DPP10: variants seen among roughly 807,000 people sequenced by gnomAD.
DPP10 encodes dipeptidyl peptidase like 10.
In DPP10, 33 loss-of-function variants were observed where a neutral mutation model predicts 120.9. The ratio of observed to expected loss-of-function variants is 0.27; its 90% CI spans 0.21 to 0.37. DPP10 has a LOEUF of 0.37. Ranked by LOEUF, DPP10 falls within the 10% of genes least tolerant of loss-of-function variation. The pLI, the probability that DPP10 is intolerant of heterozygous loss-of-function variation, is 1.00. For synonymous variants in DPP10, 337 were observed against 326.1 expected, an observed-to-expected ratio of 1.03 and a Z score of -0.36; for missense variants, 816 against 942.8, an observed-to-expected ratio of 0.87 and a Z score of 1.76.
intron 3 of DPP10, among the ~76,000 whole-genome samples, chr2:115,407,047 G>T (rs2068562652): frequency 6.6e-6 from 1 of 152,198 alleles, no homozygotes; most frequent in South Asian, 2.1e-4. Flanking sequence ...AGCAAAGCGA[G>T]AGGGGTTCCT....
intron 5 of DPP10, among the ~76,000 whole-genome samples, chr2:115,642,737 A>C (rs562026052): frequency 1.6e-4 from 25 of 152,160 alleles, no homozygotes; most frequent in South Asian, 6.2e-4. Context: ...ATGCATATGC[A>C]TTATATATAT....
chr2:115,633,250 T>C lies in DPP10; in HGVS notation c.442-56437T>C, dbSNP rs542493786. Among the ~76,000 whole-genome samples, 11 of 152,246 alleles carry C rather than the reference T, an allele frequency of 7.2e-5. No homozygotes were observed. In the South Asian group the frequency reaches 1.2e-3, roughly 17 times the overall value. The stretch of plus-strand genomic sequence containing the variant: ...TATACACCATGGAATACTATGCAGC[T>C]ATAAAAAAGGATGAGTTCATGTCCT... On this transcript the variant is annotated intron_variant, in intron 5 of 25. Coordinates refer to ENST00000410059, the MANE Select transcript of DPP10 (RefSeq NM_020868.6).
chr2:115,259,703 A>G (rs1273041258), intron 1 of DPP10, among the ~76,000 whole-genome samples: 1 of 152,132 alleles, frequency 6.6e-6, no homozygotes, highest in Non-Finnish European at 1.5e-5. Flanking sequence ...GTACCTAGAC[A>G]TATTGCTGCC....
chr2:115,698,521 T>C (rs1167979084), intron 7 of DPP10, among the ~76,000 whole-genome samples: 1 of 152,198 alleles, frequency 6.6e-6, no homozygotes, highest in Non-Finnish European at 1.5e-5. Flanking sequence ...TGTGTGACGC[T>C]TTAATCCAAC....
chr2:115,132,403 A>G (rs1197130066), intron 1 of DPP10, among the ~76,000 whole-genome samples: 1 of 152,202 alleles, frequency 6.6e-6, no homozygotes, highest in Non-Finnish European at 1.5e-5. Flanking sequence ...TTCTCTACTG[A>G]TGCAAATTTC....
intron 1 of DPP10, among the ~76,000 whole-genome samples, chr2:114,696,657 G>T (rs1700083963): frequency 1.3e-5 from 2 of 151,872 alleles, no homozygotes; most frequent in South Asian, 4.2e-4. Context: ...TTTGTTTGGT[G>T]CCTGGTTGGC....
intron 3 of DPP10, among the ~76,000 whole-genome samples, chr2:115,426,799 C>G (rs1426684701): frequency 6.6e-6 from 1 of 152,204 alleles, no homozygotes; most frequent in East Asian, 1.9e-4. Context: ...TTGTTAAATA[C>G]AATCATGCCT....
intron 1 of DPP10, among the ~76,000 whole-genome samples, chr2:114,731,825 T>C (rs982452517): frequency 4.6e-5 from 7 of 152,118 alleles, no homozygotes; most frequent in African/African-American, 1.7e-4. Context: ...GATTTCTAAT[T>C]GGTGGACTTA....
At chr2:114,640,577 A>T (rs1431719937) in intron 1 of DPP10, among the ~76,000 whole-genome samples, 1 of 151,754 alleles carries the variant, frequency 6.6e-6, no homozygotes, top group Non-Finnish European at 1.5e-5. Flanking sequence ...TCTAGCGGCC[A>T]TCAGATTGTA....
At position 114,539,234 on chromosome 2, in the gene DPP10, AT is replaced by A. The variant is rs201762746; in HGVS notation, c.60+96398del. On this transcript the variant is annotated intron_variant, in intron 1 of 25. Coordinates refer to ENST00000410059, the MANE Select transcript of DPP10 (RefSeq NM_020868.6). The stretch of plus-strand genomic sequence containing the variant: ...ATACACATAACTATTGATACAATAT[AT>A]TAAAAATATATTATAAACACATAAT... 2.4e-3 allele frequency among the ~76,000 whole-genome samples: 356 copies of A among 148,770 alleles called. 1 individual carries two copies. Among genetic ancestry groups the A allele is most frequent in the African/African-American group, 7.8e-3 (318 of 40,936 alleles).
chr2:115,058,899 C>T (rs1706167862), intron 1 of DPP10, among the ~76,000 whole-genome samples: 1 of 152,196 alleles, frequency 6.6e-6, no homozygotes, highest in Admixed American at 6.5e-5. Flanking sequence ...CATGATACAA[C>T]TCCCTATTCT....
intron 12 of DPP10, among the ~76,000 whole-genome samples, chr2:115,767,505 A>G (rs899418893): frequency 1.4e-5 from 2 of 145,406 alleles, no homozygotes; most frequent in African/African-American, 4.9e-5. Flanking sequence ...ATATATACAC[A>G]TAGTGTGTGT....
chr2:115,707,260 G>A (rs1304074194), intron 7 of DPP10, among the ~76,000 whole-genome samples: 2 of 151,632 alleles, frequency 1.3e-5, no homozygotes, highest in South Asian at 2.1e-4. Flanking sequence ...TGACATAATC[G>A]ACTTTTATAG....
At chr2:115,514,736 C>G (rs1169105479) in intron 4 of DPP10, among the ~76,000 whole-genome samples, 1 of 151,734 alleles carries the variant, frequency 6.6e-6, no homozygotes, top group Non-Finnish European at 1.5e-5. Flanking sequence ...CTACATTGTA[C>G]ATCGTAGAGA....
chr2:115,356,150 A>G (rs1298018249), intron 3 of DPP10, among the ~76,000 whole-genome samples: 1 of 152,172 alleles, frequency 6.6e-6, no homozygotes, highest in East Asian at 1.9e-4. Context: ...TTTGGGCAAT[A>G]TGGCCATTTT....
At chr2:115,686,512 C>CTGAGAATA (rs2090997393) in intron 5 of DPP10, among the ~76,000 whole-genome samples, 1 of 151,988 alleles carries the variant, frequency 6.6e-6, no homozygotes, top group African/African-American at 2.4e-5. Context: ...AGTGTTTATG[C>CTGAGAATA]TGAGAATACA....
At chr2:114,896,665 A>G (rs1693030026) in intron 1 of DPP10, among the ~76,000 whole-genome samples, 1 of 152,210 alleles carries the variant, frequency 6.6e-6, no homozygotes, top group Non-Finnish European at 1.5e-5. Flanking sequence ...TAGATATACA[A>G]TCATGTCATC....
At chr2:115,588,972 A>AATTT (rs1187252782) in intron 5 of DPP10, among the ~76,000 whole-genome samples, 3 of 152,202 alleles carry the variant, frequency 2.0e-5, no homozygotes, top group African/African-American at 7.2e-5. Flanking sequence ...GAATAAAATA[A>AATTT]ATTATTACTT....
chr2:115,634,282 C>G (rs966850543), intron 5 of DPP10, among the ~76,000 whole-genome samples: 1 of 152,174 alleles, frequency 6.6e-6, no homozygotes, highest in African/African-American at 2.4e-5. Context: ...AGAAGAGGCA[C>G]TCTGGCTTTT....
Sources: gnomAD v4.1 joint callset for allele counts (sites outside exome capture counted in the v4.1 genomes callset) on GRCh38, gnomAD v4.1.1 for gene constraint, MANE v1.5 for transcripts, NCBI Gene and HGNC (gene_info 2026-07-23, HGNC 2026-07-21) for gene names.